The following CCDC122 variants were observed in gnomAD, a reference collection of about 807,000 sequenced individuals.
CCDC122 encodes coiled-coil domain containing 122, also known as coiled-coil domain-containing protein 122.
In CCDC122, 38 loss-of-function variants were observed where a neutral mutation model predicts 37.0. The ratio of observed to expected loss-of-function variants is 1.03; its 90% CI spans 0.79 to 1.35. The LOEUF (loss-of-function observed/expected upper bound fraction) is 1.35. Ranked by LOEUF, CCDC122 falls within the 40% of genes most tolerant of loss-of-function variation. The pLI is 0.00. For synonymous variants in CCDC122, 83 were observed against 95.6 expected, an observed-to-expected ratio of 0.87 and a Z score of 0.77; for missense variants, 305 against 310.0, an observed-to-expected ratio of 0.98 and a Z score of 0.12.
At chr13:43,844,311 G>A (rs1280448902) in intron 6 of CCDC122, among the ~76,000 whole-genome samples, 1 of 151,638 alleles carries the variant, frequency 6.6e-6, no homozygotes, top group Non-Finnish European at 1.5e-5. Context: ...TAGAAGTATG[G>A]TCAATTTCCA....
intron 6 of CCDC122, among the ~76,000 whole-genome samples, chr13:43,849,905 C>T (rs957762532): frequency 2.0e-5 from 3 of 152,182 alleles, no homozygotes; most frequent in African/African-American, 7.2e-5. Flanking sequence ...AAACCATACA[C>T]TGTGGTGTCG....
downstream of CCDC122, among the ~76,000 whole-genome samples, chr13:43,833,046 C>A (rs191802590): frequency 2.6e-5 from 4 of 152,012 alleles, no homozygotes; most frequent in African/African-American, 9.7e-5. Flanking sequence ...ATATATAGAC[C>A]ATTTATATTG....
At chr13:43,829,916 C>T (rs1171266136) in intron 3 of CCDC122, among the ~76,000 whole-genome samples, 1 of 152,102 alleles carries the variant, frequency 6.6e-6, no homozygotes, top group Non-Finnish European at 1.5e-5. Flanking sequence ...CACTCTGTTG[C>T]CCAGGCTGGA....
At chr13:43,840,480 T>G (rs1269720500) in intron 6 of CCDC122, among the ~76,000 whole-genome samples, 1 of 152,140 alleles carries the variant, frequency 6.6e-6, no homozygotes, top group Admixed American at 6.5e-5. Context: ...CTGCACCCAT[T>G]AACTCTTCAT....
chr13:43,848,874 T>C (rs2153872012), intron 6 of CCDC122: 1 of 978,602 alleles, frequency 1.0e-6, no homozygotes, highest in Non-Finnish European at 1.2e-6. Context: ...TGGCTAAAGA[T>C]ATTCAGAAGA....
downstream of CCDC122, among the ~76,000 whole-genome samples, chr13:43,835,561 T>C (rs1263289969): frequency 6.6e-6 from 1 of 152,188 alleles, no homozygotes. Context: ...TTTAGAAAAC[T>C]ACATTAAAAC....
At chr13:43,864,961 T>C (rs866781635) in intron 4 of CCDC122, among the ~76,000 whole-genome samples, 5 of 152,172 alleles carry the variant, frequency 3.3e-5, no homozygotes, top group Non-Finnish European at 7.3e-5. Flanking sequence ...GAAACCTCCA[T>C]AGGAAACCTT....
In CCDC122 at chr13:43,866,012, A is replaced by T. The variant is rs149695455; in HGVS notation, c.156+2682T>A. Among the ~76,000 whole-genome samples the T allele has an allele frequency of 1.6e-4, 25 of 152,292 alleles. No individual in the cohort carries two copies. In the East Asian group the frequency reaches 4.6e-3, roughly 28 times the overall value. On this transcript the variant is annotated intron_variant, in intron 4 of 6. Coordinates refer to ENST00000444614, the MANE Select transcript of CCDC122 (RefSeq NM_144974.5). ...TAAGCACTGTGATACTGCCACAATC[A>T]ATCTGATAACTGAGACGACTACTAA... is the stretch of plus-strand genomic sequence containing the variant.
chr13:43,864,127 G>A (rs777986331), intron 4 of CCDC122, among the ~76,000 whole-genome samples: 3 of 152,028 alleles, frequency 2.0e-5, no homozygotes, highest in South Asian at 2.1e-4. Context: ...AATTGCTTTG[G>A]TACGTCTTCA....
intron 6 of CCDC122, among the ~76,000 whole-genome samples, chr13:43,851,913 A>G (rs1953746573): frequency 6.6e-6 from 1 of 151,906 alleles, no homozygotes; most frequent in African/African-American, 2.4e-5. Context: ...TCCACCTAAT[A>G]TAACAATCAA....
intron 6 of CCDC122, among the ~76,000 whole-genome samples, chr13:43,846,366 G>A (rs887854152): frequency 4.6e-5 from 7 of 152,140 alleles, no homozygotes; most frequent in East Asian, 3.9e-4. Context: ...GAGCCACTGC[G>A]CCCGGCCAAT....
chr13:43,873,614 G>A (rs1276162691), intron 2 of CCDC122, among the ~76,000 whole-genome samples: 1 of 152,100 alleles, frequency 6.6e-6, no homozygotes, highest in African/African-American at 2.4e-5. Flanking sequence ...CTGCTGCCCC[G>A]ATTGACCTAC....
chr13:43,843,315 A>G (rs887177464), intron 6 of CCDC122, among the ~76,000 whole-genome samples: 11 of 152,028 alleles, frequency 7.2e-5, no homozygotes, highest in African/African-American at 2.4e-4. Context: ...GAAGTTGGTT[A>G]TATCTTTTTT....
At chr13:43,822,903 C>T (rs755224777), downstream of CCDC122, among the ~76,000 whole-genome samples, 8 of 152,124 alleles carry the variant, frequency 5.3e-5, no homozygotes, top group Admixed American at 1.3e-4. Flanking sequence ...GGCCTGGAAC[C>T]GGGGACCCCA....
At chr13:43,839,554 T>C (rs1256263852) in intron 6 of CCDC122, among the ~76,000 whole-genome samples, 2 of 152,110 alleles carry the variant, frequency 1.3e-5, no homozygotes, top group Admixed American at 6.6e-5. Context: ...GCCATGAACA[T>C]TTGTGTGCAA....
chr13:43,833,256 C>T (rs1199090506), downstream of CCDC122, among the ~76,000 whole-genome samples: 2 of 152,128 alleles, frequency 1.3e-5, no homozygotes, highest in East Asian at 3.8e-4. Flanking sequence ...CCTCCGCTTC[C>T]TTGCATTTGT....
chr13:43,846,899 TATAAG>T (rs1217459431), intron 6 of CCDC122, among the ~76,000 whole-genome samples: 1 of 152,222 alleles, frequency 6.6e-6, no homozygotes, highest in African/African-American at 2.4e-5. Context: ...TTATTTCAAC[TATAAG>T]ATATTACTAC....
intron 6 of CCDC122, chr13:43,856,726 G>T (rs1202013352): frequency 6.6e-6 from 1 of 152,132 alleles, no homozygotes; most frequent in East Asian, 1.9e-4. Flanking sequence ...TGAACTGTAT[G>T]GTATGTGAAT....
intron 4 of CCDC122, among the ~76,000 whole-genome samples, chr13:43,864,745 T>C (rs775449251): frequency 6.6e-6 from 1 of 152,040 alleles, no homozygotes. Flanking sequence ...ATCCAAACCA[T>C]AGGACCTTGG....
Sources: allele counts gnomAD v4.1 joint callset (sites outside exome capture counted in the v4.1 genomes callset), GRCh38; gene constraint gnomAD v4.1.1; transcripts MANE v1.5; gene names NCBI Gene and HGNC (gene_info 2026-07-23, HGNC 2026-07-21).